ANK2: variants seen among roughly 807,000 people sequenced by gnomAD.
ANK2 encodes the protein ankyrin 2.
Under a neutral mutation model 360.5 loss-of-function variants are expected in ANK2, and 83 were observed. The ratio of observed to expected loss-of-function variants is 0.23; its 90% CI spans 0.19 to 0.28. The LOEUF is 0.28. ANK2 is among the 10% of genes least tolerant of loss of function. The pLI is 1.00. For synonymous variants in ANK2, 1,740 were observed against 1,759.5 expected, an observed-to-expected ratio of 0.99 and a Z score of 0.28; for missense variants, 4,201 against 4,795.7, an observed-to-expected ratio of 0.88 and a Z score of 3.66.
chr4:112,880,043 GACACTC>G (rs1452239603), intron 1 of ANK2, among the ~76,000 whole-genome samples: 2 of 147,804 alleles, frequency 1.4e-5, no homozygotes, highest in Non-Finnish European at 3.0e-5. Context: ...GTAGGACACA[GACACTC>G]ACACACACAC....
intron 2 of ANK2, among the ~76,000 whole-genome samples, chr4:113,021,541 CAT>C (rs57817594): frequency 0.065 from 6,134 of 94,980 alleles, 171 homozygotes; most frequent in Non-Finnish European, 0.085. Context: ...CACACACAAA[CAT>C]ATATATATAT....
intron 4 of ANK2, among the ~76,000 whole-genome samples, chr4:113,220,174 C>G (rs17445431): frequency 0.023 from 3,486 of 152,258 alleles, 58 homozygotes; most frequent in Non-Finnish European, 0.032. Flanking sequence ...TCCTAGCTTT[C>G]CAAAAGAGAA....
chr4:112,726,708 G>C, the ANK2 span, among the ~76,000 whole-genome samples: 1 of 151,798 alleles, frequency 6.6e-6, no homozygotes, highest in African/African-American at 2.4e-5. Flanking sequence ...AAAATTAGCC[G>C]GGTGTAGTGG....
chr4:112,799,821 C>T, the ANK2 span, among the ~76,000 whole-genome samples: 4 of 102,558 alleles, frequency 3.9e-5, no homozygotes, highest in Non-Finnish European at 5.4e-5. Context: ...CCCAGCCCAC[C>T]TCTTTTTTTT....
At chr4:113,258,734 A>G (rs1327578974) in intron 13 of ANK2, among the ~76,000 whole-genome samples, 1 of 152,186 alleles carries the variant, frequency 6.6e-6, no homozygotes, top group Non-Finnish European at 1.5e-5. Context: ...AAGTGAATGG[A>G]TAATTGGTTC....
At chr4:113,273,893 T>C (rs2059352972) in intron 14 of ANK2, among the ~76,000 whole-genome samples, 1 of 152,212 alleles carries the variant, frequency 6.6e-6, no homozygotes, top group Non-Finnish European at 1.5e-5. Context: ...TCCAGAACTA[T>C]CTACAGCATT....
chr4:112,778,824 T>C, the ANK2 span, among the ~76,000 whole-genome samples: 2 of 152,178 alleles, frequency 1.3e-5, no homozygotes, highest in African/African-American at 4.8e-5. Flanking sequence ...GTTTGTTGAA[T>C]TTTTTTGTCT....
intron 2 of ANK2, among the ~76,000 whole-genome samples, chr4:112,961,019 T>C (rs1054179784): frequency 4.6e-5 from 7 of 152,056 alleles, no homozygotes; most frequent in African/African-American, 1.7e-4. Context: ...TTTTAAACTA[T>C]ATTAAAAATT....
chr4:112,926,003 C>T (rs1327294608), intron 2 of ANK2, among the ~76,000 whole-genome samples: 2 of 152,154 alleles, frequency 1.3e-5, no homozygotes, highest in Non-Finnish European at 2.9e-5. Flanking sequence ...TATTTTTTAG[C>T]CAACAGTGTG....
chr4:113,102,737 C>T (rs569284705), intron 1 of ANK2, among the ~76,000 whole-genome samples: 9 of 152,088 alleles, frequency 5.9e-5, no homozygotes, highest in Non-Finnish European at 1.2e-4. Context: ...GATTTGGCAA[C>T]GTGGAGGTCA....
intron 2 of ANK2, among the ~76,000 whole-genome samples, chr4:112,998,306 C>T (rs932430148): frequency 2.0e-5 from 3 of 151,976 alleles, no homozygotes; most frequent in Admixed American, 6.6e-5. Context: ...CCTTAGGGTA[C>T]AATTCAAAAG....
At chr4:112,928,573 G>T (rs981356487) in intron 2 of ANK2, among the ~76,000 whole-genome samples, 1 of 152,024 alleles carries the variant, frequency 6.6e-6, no homozygotes, top group African/African-American at 2.4e-5. Flanking sequence ...TATAAAGGGG[G>T]TGATTAATTT....
At position 112,971,365 on chromosome 4, in the gene ANK2, T is replaced by A. The variant is rs553435776; in HGVS notation, c.21+66851T>A. 2.8e-4 allele frequency among the ~76,000 whole-genome samples: 42 copies of A among 152,298 alleles called. 1 individual carries two copies. The highest frequency in any genetic ancestry group is 3.4e-3 in the Middle Eastern group (1 of 294). ...AACTGAGTTGTAAACAGCCACTAAG[T>A]AAAAGTTAAGCCCAGCACTGCACTA... On this transcript the variant is annotated intron_variant, in intron 2 of 30. Coordinates refer to the ANK2 transcript ENST00000503271.
At chr4:113,287,813 C>A in intron 19 of ANK2, 110 bp downstream of exon 19, 1 of 883,520 alleles carries the variant, frequency 1.1e-6, no homozygotes, top group Non-Finnish European at 1.8e-6. Context: ...AGAGTCCATT[C>A]TGAAATATAA....
At chr4:113,074,954 G>A (rs2079271162) in intron 1 of ANK2, among the ~76,000 whole-genome samples, 1 of 152,130 alleles carries the variant, frequency 6.6e-6, no homozygotes, top group African/African-American at 2.4e-5. Flanking sequence ...TGGCAAAATA[G>A]ACATAGATTT....
chr4:113,274,634 C>A lies in ANK2; in HGVS notation c.1668C>A (p.His556Gln), dbSNP rs1289363566. The A allele has an allele frequency of 6.2e-7, 1 of 1,614,034 alleles. No individual in the cohort carries two copies. Among genetic ancestry groups the A allele is most frequent in the Non-Finnish European group, 8.5e-7 (1 of 1,180,034 alleles). ...ASVLLEAGAA[H>Q]SLATKKGFTP... ...TCCTATTGGAAGCAGGAGCAGCCCA[C>A]TCCTTAGCTACCAAGGTAAGGAGAA... The change falls in exon 15 of 46, where the codon CAC (histidine) becomes CAA (glutamine). Residue 556 changes from histidine to glutamine, a missense_variant. His to Gln is a conservative substitution (Grantham distance 24). Around this residue, in one of 4 missense-constraint regions of ANK2, gnomAD observed 1,268 missense variants for 1,650.8 expected, o/e 0.77. Coordinates refer to ENST00000357077, the MANE Select transcript of ANK2 (RefSeq NM_001148.6).
intron 4 of ANK2, among the ~76,000 whole-genome samples, chr4:113,209,061 G>T (rs1474160456): frequency 6.6e-6 from 1 of 151,822 alleles, no homozygotes; most frequent in African/African-American, 2.4e-5. Context: ...GAATACAAAT[G>T]GATTAACATA....
chr4:112,792,752 G>T, the ANK2 span, among the ~76,000 whole-genome samples: 1 of 152,100 alleles, frequency 6.6e-6, no homozygotes, highest in Non-Finnish European at 1.5e-5. Flanking sequence ...CATCTTCCCT[G>T]CTTAGTTGAG....
In ANK2 at chr4:113,196,605, G is replaced by A. The variant is rs56413960; in HGVS notation, c.285+139G>A. On this transcript the variant is annotated intron_variant, in intron 3 of 45. Coordinates refer to ENST00000357077, the MANE Select transcript of ANK2 (RefSeq NM_001148.6). The stretch of plus-strand genomic sequence containing the variant: ...TGCAGTGGTACAATCACGGCTCACC[G>A]AAACCTCCACCTCCTGGGCTCAAGT... The A allele has an allele frequency of 2.4e-3, 1,931 of 801,354 alleles. 9 individuals carry two copies. The highest frequency in any genetic ancestry group is 5.1e-3 in the South Asian group (329 of 64,952). The allele number at this position is 801,354 out of a possible 1,614,324, so 49.6% of individuals were successfully genotyped here. A position where few individuals can be genotyped will look rare whatever the true frequency, so the allele number is the denominator to read the frequency against.
Sources: allele counts gnomAD v4.1 joint callset (sites outside exome capture counted in the v4.1 genomes callset), GRCh38; gene constraint gnomAD v4.1.1; regional missense constraint gnomAD v4.1.1; transcripts MANE v1.5; gene names NCBI Gene and HGNC (gene_info 2026-07-23, HGNC 2026-07-21).